The following DAB1 variants were observed in gnomAD, a reference collection of about 807,000 sequenced individuals.
DAB1 encodes the protein DAB adaptor protein 1, also known as disabled homolog 1.
Under a neutral mutation model 64.6 loss-of-function variants are expected in DAB1, and 15 were observed. The ratio of observed to expected loss-of-function variants is 0.23; its 90% CI spans 0.16 to 0.36. The LOEUF is 0.36. DAB1 is among the 10% of genes least tolerant of loss of function. The pLI is 1.00. For missense variants in DAB1, 596 were observed against 706.7 expected (o/e 0.84, Z 1.78); for synonymous variants, 235 against 251.9 (o/e 0.93, Z 0.64).
At chr1:58,404,352 C>A (rs1557750574) in intron 3 of DAB1, among the ~76,000 whole-genome samples, 1 of 152,140 alleles carries the variant, frequency 6.6e-6, no homozygotes, top group Non-Finnish European at 1.5e-5. Flanking sequence ...AAAGTTGTGG[C>A]CTTAGTGGAA....
intron 3 of DAB1, among the ~76,000 whole-genome samples, chr1:58,458,227 T>C (rs1270353121): frequency 1.3e-5 from 2 of 152,234 alleles, no homozygotes; most frequent in Admixed American, 6.5e-5. Flanking sequence ...ATGTGGCTAG[T>C]GGCTGCCATA....
At chr1:57,395,629 G>C (rs139546661) in intron 1 of DAB1, among the ~76,000 whole-genome samples, 1 of 152,318 alleles carries the variant, frequency 6.6e-6, no homozygotes, top group African/African-American at 2.4e-5. Context: ...TACCACAGTA[G>C]CTCCTAGTCA....
At chr1:57,533,539 G>GTATATATATATATATATATATATATATA (rs59378470) in intron 7 of DAB1, among the ~76,000 whole-genome samples, 10 of 143,766 alleles carry the variant, frequency 7.0e-5, no homozygotes, top group African/African-American at 2.1e-4. Context: ...TTCATAACAG[G>GTATATATATATATATATATATATATATA]TATATATATA....
At chr1:57,193,100 T>C (rs1157319565) in intron 2 of DAB1, among the ~76,000 whole-genome samples, 1 of 152,126 alleles carries the variant, frequency 6.6e-6, no homozygotes, top group Non-Finnish European at 1.5e-5. Flanking sequence ...CTTGGCAATT[T>C]CCAAGAACAC....
intron 1 of DAB1, among the ~76,000 whole-genome samples, chr1:57,365,342 T>A (rs1043048842): frequency 7.7e-5 from 11 of 142,348 alleles, no homozygotes; most frequent in Non-Finnish European, 1.1e-4. Context: ...AGAATATATA[T>A]AAATATATAT....
chr1:57,632,342 T>C (rs1646000056), intron 7 of DAB1, among the ~76,000 whole-genome samples: 1 of 152,230 alleles, frequency 6.6e-6, no homozygotes, highest in South Asian at 2.1e-4. Context: ...TAATAGCGTT[T>C]GTGTGAAATT....
chr1:57,245,528 G>A (rs1214689517), intron 2 of DAB1, among the ~76,000 whole-genome samples: 1 of 152,036 alleles, frequency 6.6e-6, no homozygotes, highest in Non-Finnish European at 1.5e-5. Context: ...GAGAACTTGT[G>A]GTGTTTGGTT....
intron 4 of DAB1, among the ~76,000 whole-genome samples, chr1:58,226,789 A>G (rs925846823): frequency 7.2e-5 from 11 of 152,160 alleles, no homozygotes; most frequent in African/African-American, 2.7e-4. Context: ...GAAATAGCTT[A>G]CTCTAAGCAC....
chr1:57,537,580 C>T (rs1398074923), intron 7 of DAB1, among the ~76,000 whole-genome samples: 1 of 151,512 alleles, frequency 6.6e-6, no homozygotes, highest in East Asian at 1.9e-4. Flanking sequence ...CAAAAAAGCT[C>T]CTAGGTGATT....
At chr1:57,202,812 C>T (rs1429094340) in intron 2 of DAB1, among the ~76,000 whole-genome samples, 1 of 152,150 alleles carries the variant, frequency 6.6e-6, no homozygotes, top group Non-Finnish European at 1.5e-5. Flanking sequence ...CAGAGGAGTC[C>T]TGTTGCTCTC....
intron 7 of DAB1, among the ~76,000 whole-genome samples, chr1:57,627,448 G>T (rs946925512): frequency 3.3e-5 from 5 of 152,140 alleles, no homozygotes; most frequent in Non-Finnish European, 7.3e-5. Context: ...AGCTACCATT[G>T]CTGGAACTAT....
At chr1:57,301,577 G>T (rs142099927) in intron 1 of DAB1, among the ~76,000 whole-genome samples, 1 of 152,104 alleles carries the variant, frequency 6.6e-6, no homozygotes, top group Non-Finnish European at 1.5e-5. Context: ...CCTGTGAAAG[G>T]GATTTTAAAT....
intron 6 of DAB1, among the ~76,000 whole-genome samples, chr1:57,679,505 C>A (rs758983815): frequency 6.6e-6 from 1 of 152,174 alleles, no homozygotes; most frequent in Non-Finnish European, 1.5e-5. Context: ...AGGCCAGGGC[C>A]ATGCAGGTGA....
chr1:57,591,253 A>G (rs750669920), intron 7 of DAB1, among the ~76,000 whole-genome samples: 7 of 152,214 alleles, frequency 4.6e-5, no homozygotes, highest in African/African-American at 7.2e-5. Context: ...TCTGATGCTC[A>G]GTCTCCATTA....
intron 2 of DAB1, among the ~76,000 whole-genome samples, chr1:57,168,980 C>G (rs1412877113): frequency 6.6e-6 from 1 of 152,088 alleles, no homozygotes; most frequent in Non-Finnish European, 1.5e-5. Flanking sequence ...CACTTAGGTA[C>G]AGAAGTTTGA....
At chr1:57,898,518 G>A (rs528997583) in intron 5 of DAB1, among the ~76,000 whole-genome samples, 2 of 152,172 alleles carry the variant, frequency 1.3e-5, no homozygotes, top group South Asian at 2.1e-4. Flanking sequence ...TACACAACAG[G>A]CAACTTTTTG....
chr1:57,468,219 A>G (rs1687020289), intron 7 of DAB1, among the ~76,000 whole-genome samples: 1 of 152,194 alleles, frequency 6.6e-6, no homozygotes, highest in Non-Finnish European at 1.5e-5. Flanking sequence ...CAAGGAATAA[A>G]TGAATGAATA....
At chr1:58,430,442 T>C (rs1257201372) in intron 3 of DAB1, among the ~76,000 whole-genome samples, 1 of 151,866 alleles carries the variant, frequency 6.6e-6, no homozygotes, top group Non-Finnish European at 1.5e-5. Context: ...ATGTAAGAGA[T>C]CATATCAGGT....
chr1:57,001,608 A>G (rs1358978745), intron 14 of DAB1, among the ~76,000 whole-genome samples: 1 of 152,158 alleles, frequency 6.6e-6, no homozygotes, highest in Non-Finnish European at 1.5e-5. Flanking sequence ...ACTCAAAGGA[A>G]AAGGCAAACT....
Sources: allele counts gnomAD v4.1 joint callset (sites outside exome capture counted in the v4.1 genomes callset), GRCh38; gene constraint gnomAD v4.1.1; transcripts MANE v1.5; gene names NCBI Gene and HGNC (gene_info 2026-07-23, HGNC 2026-07-21).